Variants in AZIN1 observed in about 807,000 individuals in gnomAD.
AZIN1 encodes the protein antizyme inhibitor 1.
In AZIN1, 12 loss-of-function variants were observed where a neutral mutation model predicts 47.4. The observed-to-expected ratio is 0.25, with a 90% confidence interval of 0.16 to 0.41. AZIN1 has a LOEUF of 0.41. AZIN1 is among the 10% of genes least tolerant of loss of function. AZIN1 has a pLI of 1.00. For synonymous variants in AZIN1, 155 were observed against 176.3 expected, an observed-to-expected ratio of 0.88 and a Z score of 0.96; for missense variants, 410 against 532.4, an observed-to-expected ratio of 0.77 and a Z score of 2.26.
At chr8:102,843,259 G>GAT (rs1812340240) in intron 3 of AZIN1, among the ~76,000 whole-genome samples, 1 of 151,154 alleles carries the variant, frequency 6.6e-6, no homozygotes, top group Non-Finnish European at 1.5e-5. Flanking sequence ...GCCATGTACT[G>GAT]ATTAGAAGGT....
At chr8:102,846,057 T>C (rs1586184416) in intron 2 of AZIN1, among the ~76,000 whole-genome samples, 1 of 152,228 alleles carries the variant, frequency 6.6e-6, no homozygotes, top group Non-Finnish European at 1.5e-5. Context: ...GGGCATAGTC[T>C]AATATATATG....
chr8:102,856,325 A>G (rs1813292768), intron 2 of AZIN1, among the ~76,000 whole-genome samples: 1 of 152,298 alleles, frequency 6.6e-6, no homozygotes, highest in Middle Eastern at 3.4e-3. Context: ...AATAAAGTTA[A>G]AAGCCAGTTA....
chr8:102,846,796 C>T (rs888878109), intron 2 of AZIN1, among the ~76,000 whole-genome samples: 1 of 152,128 alleles, frequency 6.6e-6, no homozygotes, highest in Non-Finnish European at 1.5e-5. Flanking sequence ...CATTATCACG[C>T]CTACTCACAG....
chr8:102,846,522 T>TA (rs1416205521), intron 2 of AZIN1, among the ~76,000 whole-genome samples: 1 of 152,232 alleles, frequency 6.6e-6, no homozygotes, highest in African/African-American at 2.4e-5. Flanking sequence ...TCTCCATTGA[T>TA]ATACTGAGGA....
chr8:102,836,205 G>A (rs1293028249), intron 6 of AZIN1, 51 bp downstream of exon 6: 4 of 1,561,430 alleles, frequency 2.6e-6, no homozygotes, highest in Non-Finnish European at 3.5e-6. Flanking sequence ...AGAAAGACAG[G>A]TTACCACCAT....
Position 102,836,125 on chromosome 8 carries a change from C to T in AZIN1, c.584+131G>A, listed in dbSNP as rs147012335. On this transcript the variant is annotated intron_variant, in intron 6 of 11. Transcript: ENST00000337198. ...GCCTAAACTAAGAAGAAAACACATACATGTGTGTTAAAAGACTAGAAAAAA... is the reference window on the plus strand; with the variant it reads ...GCCTAAACTAAGAAGAAAACACATATATGTGTGTTAAAAGACTAGAAAAAA... The T allele has an allele frequency of 2.6e-4, 251 of 961,484 alleles. 1 individual carries two copies. In the East Asian group the frequency reaches 4.5e-3, roughly 17 times the overall value. The allele number at this position is 961,484 out of a possible 1,614,324, so 59.6% of individuals were successfully genotyped here.
Position 102,834,202 on chromosome 8 carries a change from A to C in AZIN1, c.728T>G (p.Phe243Cys), listed in dbSNP as rs1196136317. 6.2e-7 allele frequency: 1 copy of C among 1,612,770 alleles called. No individual in the cohort carries two copies. The highest frequency in any genetic ancestry group is 8.5e-7 in the Non-Finnish European group (1 of 1,179,604). The change falls in exon 8 of 12, where the codon TTT (phenylalanine) becomes TGT (cysteine). Residue 243 changes from phenylalanine to cysteine, a missense_variant. Coordinates refer to ENST00000337198, the MANE Select transcript of AZIN1 (RefSeq NM_148174.4). The stretch of plus-strand genomic sequence containing the variant: ...TGAGAAGTTTACCTCTTCCAATTGA[A>C]ATTCAGTTCCCGTGAATCCTCCACC... The part of the protein sequence containing the change: ...DIGGGFTGTE[F>C]QLEEVNHVIS...
At chr8:102,846,768 T>G (rs1050213464) in intron 2 of AZIN1, among the ~76,000 whole-genome samples, 2 of 152,134 alleles carry the variant, frequency 1.3e-5, no homozygotes, top group Non-Finnish European at 2.9e-5. Context: ...GCTAAGTTTA[T>G]TCACACTGGT....
intron 5 of AZIN1, 93 bp downstream of exon 5, chr8:102,838,651 C>G (rs1811974733): frequency 2.0e-6 from 2 of 1,000,838 alleles, no homozygotes; most frequent in African/African-American, 3.3e-5. Context: ...ACATCATTGC[C>G]CTACCACAAA....
chr8:102,834,936 G>A (rs1811722482), intron 6 of AZIN1, 189 bp from the exon 7 acceptor site: 1 of 516,184 alleles, frequency 1.9e-6, no homozygotes, highest in Non-Finnish European at 3.4e-6. Context: ...TATAGAAAAG[G>A]CAATGCCAAG....
In AZIN1 at chr8:102,843,557, A is replaced by G; in HGVS notation, c.96T>C (p.His32=). 6.2e-7 allele frequency: 1 copy of G among 1,612,756 alleles called. No homozygotes were observed. The highest frequency in any genetic ancestry group is 2.2e-5 in the East Asian group (1 of 44,870). ...TTTGAGAAATGGCACTTACCAGGGTATGTTCATAAACATAGTTATCAATAA... is the reference window on the plus strand; with the variant it reads ...TTTGAGAAATGGCACTTACCAGGGTGTGTTCATAAACATAGTTATCAATAA... The part of the protein sequence containing the change: ...GNVIDNYVYE[H]TLTGKNAFFV... The change falls in exon 3 of 12, where the codon CAT becomes CAC. Residue 32 remains histidine, a synonymous_variant. Coordinates refer to ENST00000337198, the MANE Select transcript of AZIN1 (RefSeq NM_148174.4).
chr8:102,862,533 G>T (rs982407225), intron 1 of AZIN1, among the ~76,000 whole-genome samples: 1 of 152,062 alleles, frequency 6.6e-6, no homozygotes, highest in Non-Finnish European at 1.5e-5. Context: ...GCACGCTCTC[G>T]TATATGTAAA....
At chr8:102,859,572 A>G (rs1160782671) in intron 1 of AZIN1, among the ~76,000 whole-genome samples, 1 of 152,228 alleles carries the variant, frequency 6.6e-6, no homozygotes, top group African/African-American at 2.4e-5. Context: ...TTATTTAAAT[A>G]CAAAAAATAG....
In AZIN1 at chr8:102,828,656, T is replaced by C. The variant is rs1811242297; in HGVS notation, c.1258A>G (p.Ile420Val). ...TTCTTCATCATTGAGTCTGAAGTAA[T>C]TCCAGCATCTTGCATCTCATACCTA... ...SDWYEMQDAG[I>V]TSDSMMKNFF... The change falls in exon 12 of 12, where the codon ATT becomes GTT. Residue 420 changes from isoleucine to valine, a missense_variant. By Grantham distance (29) the Ile-to-Val change is conservative. This residue lies in a region of AZIN1 where 168 missense variants were observed against 198.3 expected (regional missense o/e 0.85). Coordinates refer to ENST00000337198, the MANE Select transcript of AZIN1 (RefSeq NM_148174.4). 6.2e-7 allele frequency: 1 copy of C among 1,608,146 alleles called. No individual in the cohort carries two copies. Among genetic ancestry groups the C allele is most frequent in the Admixed American group, 1.7e-5 (1 of 59,838 alleles).
intron 5 of AZIN1, among the ~76,000 whole-genome samples, chr8:102,836,788 T>C (rs1811850454): frequency 6.6e-6 from 1 of 152,236 alleles, no homozygotes; most frequent in South Asian, 2.1e-4. Flanking sequence ...TCTTCAAATT[T>C]CTTTGATTGT....
At chr8:102,846,981 A>T in intron 2 of AZIN1, among the ~76,000 whole-genome samples, 1 of 152,198 alleles carries the variant, frequency 6.6e-6, no homozygotes, top group East Asian at 1.9e-4. Flanking sequence ...ATAAATAAAA[A>T]TAGTGAAAAA....
chr8:102,856,341 A>C (rs1367848180), intron 2 of AZIN1, among the ~76,000 whole-genome samples: 2 of 152,210 alleles, frequency 1.3e-5, no homozygotes, highest in Non-Finnish European at 2.9e-5. Flanking sequence ...AGTTATTCTG[A>C]CTGCCAGAAC....
At chr8:102,857,232 G>A (rs1467863239) in intron 2 of AZIN1, among the ~76,000 whole-genome samples, 2 of 152,140 alleles carry the variant, frequency 1.3e-5, no homozygotes, top group South Asian at 2.1e-4. Context: ...CACTTTTATC[G>A]AATAGGGATC....
At chr8:102,829,585 T>C (rs1017567748) in intron 10 of AZIN1, 99 bp from the exon 11 acceptor site, 2 of 1,205,308 alleles carry the variant, frequency 1.7e-6, no homozygotes, top group Non-Finnish European at 2.3e-6. Flanking sequence ...TCCAATGTGC[T>C]CATGGAAAAA....
Sources: allele counts gnomAD v4.1 joint callset (sites outside exome capture counted in the v4.1 genomes callset), GRCh38; gene constraint gnomAD v4.1.1; regional missense constraint gnomAD v4.1.1; transcripts MANE v1.5; gene names NCBI Gene and HGNC (gene_info 2026-07-23, HGNC 2026-07-21).